Variants in CFAP61 observed in about 807,000 individuals in gnomAD.
The protein encoded by CFAP61 is cilia and flagella associated protein 61.
A neutral mutation model predicts 135.6 loss-of-function variants in CFAP61; 107 were observed. That is an observed-to-expected ratio of 0.79 (90% CI 0.67 to 0.93). CFAP61 has a LOEUF of 0.93. Ranked by LOEUF, CFAP61 falls within the 40% of genes least tolerant of loss-of-function variation. The probability of loss-of-function intolerance (pLI) is 0.00; values close to 1 mark genes in which losing one functional copy is unlikely to be tolerated. For missense variants in CFAP61, 1,507 were observed against 1,556.2 expected, an observed-to-expected ratio of 0.97 and a Z score of 0.53; for synonymous variants, 575 against 578.5, an observed-to-expected ratio of 0.99 and a Z score of 0.09.
At chr20:20,293,642 T>C (rs2055172407) in intron 24 of CFAP61, among the ~76,000 whole-genome samples, 1 of 152,222 alleles carries the variant, frequency 6.6e-6, no homozygotes. Context: ...ATCAGACTTT[T>C]ATAGTGCTCA....
At position 20,154,790 on chromosome 20, in the gene CFAP61, G is replaced by C. The variant is rs6112795; in HGVS notation, c.952-4580G>C. On this transcript the variant is annotated intron_variant, in intron 9 of 26. Coordinates refer to ENST00000245957, the MANE Select transcript of CFAP61 (RefSeq NM_015585.4). ...ACATCACTGATGACACAAACAAATG[G>C]AAACACATCCCATGCTCATGGATGG... 2.8e-3 allele frequency among the ~76,000 whole-genome samples: 429 copies of C among 152,176 alleles called. 2 individuals carry two copies. The highest frequency in any genetic ancestry group is 9.4e-3 in the African/African-American group (390 of 41,534).
chr20:20,151,615 A>G (rs962661180), intron 9 of CFAP61, among the ~76,000 whole-genome samples: 10 of 151,990 alleles, frequency 6.6e-5, no homozygotes, highest in Admixed American at 2.6e-4. Flanking sequence ...TCACGAGGTC[A>G]GGAGATTGAG....
At chr20:20,141,009 G>A (rs1202633163) in intron 8 of CFAP61, among the ~76,000 whole-genome samples, 2 of 150,086 alleles carry the variant, frequency 1.3e-5, no homozygotes, top group South Asian at 2.1e-4. Context: ...TGCAACCTCC[G>A]CCTCCCAGGT....
intron 12 of CFAP61, among the ~76,000 whole-genome samples, chr20:20,167,887 GAGCAGGCTGCT>G (rs1183601630): frequency 6.6e-6 from 1 of 152,168 alleles, no homozygotes; most frequent in Non-Finnish European, 1.5e-5. Context: ...GCTTCGGGAA[GAGCAGGCTGCT>G]TCTGCAGGGA....
chr20:20,305,022 G>A (rs2056382399), intron 25 of CFAP61, among the ~76,000 whole-genome samples: 1 of 152,170 alleles, frequency 6.6e-6, no homozygotes, highest in African/African-American at 2.4e-5. Context: ...GAGCCCATCA[G>A]ATACTCATAA....
chr20:20,295,680 A>G (rs995057776), intron 24 of CFAP61, among the ~76,000 whole-genome samples: 6 of 152,114 alleles, frequency 3.9e-5, no homozygotes, highest in Non-Finnish European at 5.9e-5. Flanking sequence ...ATTCTGAAAT[A>G]CTGCTGAATA....
intron 17 of CFAP61, among the ~76,000 whole-genome samples, chr20:20,224,199 C>T (rs376498021): frequency 2.6e-5 from 4 of 152,292 alleles, no homozygotes; most frequent in African/African-American, 9.6e-5. Flanking sequence ...AGTAGTGACT[C>T]AGCTACTCAC....
intron 26 of CFAP61, among the ~76,000 whole-genome samples, chr20:20,354,442 G>A (rs1312091659): frequency 1.3e-5 from 2 of 150,542 alleles, no homozygotes; most frequent in African/African-American, 4.9e-5. Context: ...GGCAGAGGTT[G>A]TGGTGAGCCA....
chr20:20,278,011 A>G (rs1335729386), intron 22 of CFAP61, among the ~76,000 whole-genome samples: 9 of 152,122 alleles, frequency 5.9e-5, no homozygotes, highest in South Asian at 4.1e-4. Flanking sequence ...ACCACATTCT[A>G]TTTGCTAGAG....
At chr20:20,060,334 A>G (rs994702107) in intron 2 of CFAP61, among the ~76,000 whole-genome samples, 1 of 152,240 alleles carries the variant, frequency 6.6e-6, no homozygotes, top group African/African-American at 2.4e-5. Context: ...TCCTCAGAAT[A>G]TGTTTTTGGA....
At chr20:20,162,860 G>A (rs375496308) in intron 10 of CFAP61, among the ~76,000 whole-genome samples, 1 of 116,944 alleles carries the variant, frequency 8.6e-6, no homozygotes, top group Admixed American at 8.4e-5. Context: ...AGCAACAACA[G>A]AACTTACACA....
At chr20:20,331,428 GAA>G (rs11476115) in intron 25 of CFAP61, among the ~76,000 whole-genome samples, 29,141 of 144,664 alleles carry the variant, frequency 0.2, 3,630 homozygotes, top group African/African-American at 0.35. Context: ...AAAAGCTTTA[GAA>G]AAAAAAAAAA....
intron 2 of CFAP61, among the ~76,000 whole-genome samples, chr20:20,070,061 C>T (rs2045596105): frequency 6.6e-6 from 1 of 152,110 alleles, no homozygotes; most frequent in Admixed American, 6.5e-5. Context: ...CCTTTAAGTG[C>T]CTTTAAGTCT....
At chr20:20,344,611 C>T (rs904479801) in intron 26 of CFAP61, among the ~76,000 whole-genome samples, 2 of 151,988 alleles carry the variant, frequency 1.3e-5, no homozygotes, top group Admixed American at 6.6e-5. Context: ...CAAATGCTGG[C>T]GAGGATGTGG....
chr20:20,186,826 C>T (rs6046714), intron 13 of CFAP61, among the ~76,000 whole-genome samples: 137,565 of 152,264 alleles, frequency 0.9, 62,973 homozygotes, highest in Middle Eastern at 0.99. Context: ...TGTATCAGCA[C>T]GAGGAGGAAT....
chr20:20,260,229 T>C (rs778326682), intron 20 of CFAP61, among the ~76,000 whole-genome samples: 12 of 152,238 alleles, frequency 7.9e-5, no homozygotes, highest in Non-Finnish European at 1.0e-4. Context: ...CTTTTTACTT[T>C]TCAGGCTGGA....
At chr20:20,117,034 G>A (rs776567378) in intron 8 of CFAP61, among the ~76,000 whole-genome samples, 4 of 152,168 alleles carry the variant, frequency 2.6e-5, no homozygotes, top group South Asian at 4.2e-4. Flanking sequence ...TCCTTTCCCC[G>A]CTTTGTTATT....
chr20:20,175,775 C>T (rs6136959), intron 13 of CFAP61, among the ~76,000 whole-genome samples: 26,827 of 151,890 alleles, frequency 0.18, 2,524 homozygotes, highest in East Asian at 0.2. Flanking sequence ...TCATGATCCA[C>T]TCACCTCGGC....
At chr20:20,059,201 A>T (rs1345106778) in intron 2 of CFAP61, among the ~76,000 whole-genome samples, 1 of 151,014 alleles carries the variant, frequency 6.6e-6, no homozygotes, top group Non-Finnish European at 1.5e-5. Context: ...GGTAGCGCGC[A>T]CTCTGTAGTC....
Sources: allele counts gnomAD v4.1 joint callset (sites outside exome capture counted in the v4.1 genomes callset), GRCh38; gene constraint gnomAD v4.1.1; transcripts MANE v1.5; gene names NCBI Gene and HGNC (gene_info 2026-07-23, HGNC 2026-07-21).